Variants in ANKIB1 observed in about 807,000 individuals in gnomAD.
ANKIB1 encodes the protein ankyrin repeat and IBR domain-containing protein 1.
In ANKIB1, 43 loss-of-function variants were observed where a neutral mutation model predicts 122.1. The observed-to-expected ratio is 0.35, with a 90% confidence interval of 0.28 to 0.45. ANKIB1 has a LOEUF of 0.45. Among genes scored for constraint, ANKIB1 ranks in the 20% least tolerant of loss-of-function variants. ANKIB1 has a pLI of 1.00. For synonymous variants in ANKIB1, 390 were observed against 442.0 expected, an observed-to-expected ratio of 0.88 and a Z score of 1.48; for missense variants, 992 against 1,329.5, an observed-to-expected ratio of 0.75 and a Z score of 3.95.
At chr7:92,296,776 T>C (rs746880651) in intron 2 of ANKIB1, among the ~76,000 whole-genome samples, 17 of 152,272 alleles carry the variant, frequency 1.1e-4, no homozygotes, top group Non-Finnish European at 2.1e-4. Flanking sequence ...ATAAAATCAT[T>C]ACACAAAGAA....
chr7:92,330,012 CA>C (rs1347326901), intron 5 of ANKIB1, among the ~76,000 whole-genome samples: 2 of 152,162 alleles, frequency 1.3e-5, no homozygotes, highest in African/African-American at 4.8e-5. Context: ...TAAAATCATC[CA>C]AAATTTTTGG....
intron 1 of ANKIB1, among the ~76,000 whole-genome samples, chr7:92,268,075 G>A (rs1233676184): frequency 6.6e-6 from 1 of 152,182 alleles, no homozygotes; most frequent in East Asian, 1.9e-4. Flanking sequence ...CATTCTTTCT[G>A]TGTACTTTTG....
chr7:92,348,094 G>A (rs1803579141), intron 7 of ANKIB1: 1 of 348,952 alleles, frequency 2.9e-6, no homozygotes, highest in South Asian at 2.3e-5. Context: ...TTATTAAATT[G>A]TGTCTTGATG....
At chr7:92,327,745 A>G in intron 4 of ANKIB1, 38 bp from the exon 5 acceptor site, 1 of 1,143,046 alleles carries the variant, frequency 8.7e-7, no homozygotes, top group Non-Finnish European at 1.2e-6. Context: ...TCCTATGAGT[A>G]TAATGCCCAT....
chr7:92,359,516 G>T (rs1220798027), intron 9 of ANKIB1, among the ~76,000 whole-genome samples: 1 of 152,144 alleles, frequency 6.6e-6, no homozygotes, highest in Non-Finnish European at 1.5e-5. Flanking sequence ...ATTGTGAATA[G>T]TGCTGCAATA....
chr7:92,348,452 C>T (rs186403188), intron 7 of ANKIB1, among the ~76,000 whole-genome samples: 2 of 148,750 alleles, frequency 1.3e-5, no homozygotes, highest in African/African-American at 5.0e-5. Context: ...GTGGCACCAT[C>T]TCAGCTCACT....
chr7:92,341,493 C>CA (rs754130685), intron 5 of ANKIB1, among the ~76,000 whole-genome samples: 3,246 of 117,380 alleles, frequency 0.028, 44 homozygotes, highest in East Asian at 0.083. Flanking sequence ...CTCGTTGTGG[C>CA]AAAAAAAAAA....
At chr7:92,372,033 C>T (rs1357058699) in intron 11 of ANKIB1, among the ~76,000 whole-genome samples, 1 of 139,926 alleles carries the variant, frequency 7.1e-6, no homozygotes, top group African/African-American at 2.7e-5. Flanking sequence ...TAACAAAGTG[C>T]TGCCTTATAT....
chr7:92,335,997 C>T (rs1211215482), intron 5 of ANKIB1, among the ~76,000 whole-genome samples: 2 of 151,938 alleles, frequency 1.3e-5, no homozygotes, highest in South Asian at 2.1e-4. Flanking sequence ...ATTTTATAGT[C>T]TATTTAGCAT....
intron 2 of ANKIB1, among the ~76,000 whole-genome samples, chr7:92,303,155 T>C (rs780415895): frequency 4.6e-5 from 7 of 152,148 alleles, no homozygotes; most frequent in Non-Finnish European, 8.8e-5. Flanking sequence ...TTAAGAATTA[T>C]CACAGAAGTA....
intron 1 of ANKIB1, among the ~76,000 whole-genome samples, chr7:92,250,994 T>A (rs1449069089): frequency 6.6e-6 from 1 of 152,206 alleles, no homozygotes; most frequent in Non-Finnish European, 1.5e-5. Context: ...AGATATTTAA[T>A]ACTTGAGTTG....
At chr7:92,355,646 G>A (rs1051402227) in intron 9 of ANKIB1, among the ~76,000 whole-genome samples, 1 of 151,772 alleles carries the variant, frequency 6.6e-6, no homozygotes, top group African/African-American at 2.4e-5. Flanking sequence ...TCAGGAGATC[G>A]AGACCATCCT....
In ANKIB1 at chr7:92,401,122, A is replaced by G. The variant is rs1204225303; in HGVS notation, c.*2173A>G. The G allele has an allele frequency of 6.6e-6, 1 of 152,244 alleles. No individual in the cohort carries two copies. The highest frequency in any genetic ancestry group is 6.5e-5 in the Admixed American group (1 of 15,288). The allele number at this position is 152,244 out of a possible 1,614,324, so 9.4% of individuals were successfully genotyped here. On this transcript the variant is annotated 3_prime_UTR_variant, in exon 20 of 20. Transcript: ENST00000265742. ...TATCCAATTTGTATTTCCTTGGTAC[A>G]TATTTTAAAAACAACACAGTCATTG...
intron 10 of ANKIB1, 79 bp downstream of exon 10, chr7:92,362,352 C>G (rs756207461): frequency 1.4e-4 from 186 of 1,347,086 alleles, no homozygotes; most frequent in Non-Finnish European, 1.8e-4. Context: ...CTTTTTTAGT[C>G]TTTATTTAAG....
chr7:92,264,529 G>A (rs1801629886), intron 1 of ANKIB1, among the ~76,000 whole-genome samples: 1 of 152,054 alleles, frequency 6.6e-6, no homozygotes, highest in Admixed American at 6.5e-5. Flanking sequence ...TCCTGAGTAG[G>A]TGGGACTATA....
chr7:92,309,934 A>ATATATATATAT (rs1426004365), intron 3 of ANKIB1, among the ~76,000 whole-genome samples: 2 of 115,646 alleles, frequency 1.7e-5, no homozygotes, highest in African/African-American at 7.4e-5. Flanking sequence ...AAAAAAAAAA[A>ATATATATATAT]AAAAAAAAAT....
chr7:92,389,656 C>T (rs2193240), intron 14 of ANKIB1, among the ~76,000 whole-genome samples: 1 of 152,112 alleles, frequency 6.6e-6, no homozygotes, highest in Non-Finnish European at 1.5e-5. Context: ...TTTGGTTGAC[C>T]TAAAGCTAGA....
chr7:92,304,132 G>A (rs1488581833), intron 2 of ANKIB1, among the ~76,000 whole-genome samples: 3 of 150,938 alleles, frequency 2.0e-5, no homozygotes, highest in Admixed American at 6.6e-5. Context: ...CATACATATC[G>A]ATTTTATACT....
At chr7:92,371,345 C>A (rs1001122758) in intron 10 of ANKIB1, 132 bp from the exon 11 acceptor site, 8 of 751,578 alleles carry the variant, frequency 1.1e-5, no homozygotes, top group African/African-American at 3.5e-5. Context: ...TTGCCACAGA[C>A]CCTGATCAGA....
Sources: allele counts gnomAD v4.1 joint callset (sites outside exome capture counted in the v4.1 genomes callset), GRCh38; gene constraint gnomAD v4.1.1; transcripts MANE v1.5; gene names NCBI Gene and HGNC (gene_info 2026-07-23, HGNC 2026-07-21).